The following CFAP77 variants were observed in gnomAD, a reference collection of about 807,000 sequenced individuals.
The protein encoded by CFAP77 is cilia and flagella associated protein 77.
Under a neutral mutation model 31.1 loss-of-function variants are expected in CFAP77, and 25 were observed. The observed-to-expected ratio is 0.80, with a 90% CI of 0.59 to 1.12. The LOEUF is 1.12. Ranked by LOEUF, CFAP77 falls within the 50% of genes most tolerant of loss-of-function variation. The pLI, the probability that CFAP77 is intolerant of heterozygous loss-of-function variation, is 0.00. For missense variants in CFAP77, 377 were observed against 397.3 expected (o/e 0.95, Z 0.44); for synonymous variants, 151 against 159.9 (o/e 0.94, Z 0.42).
At chr9:132,469,930 C>T (rs1417351643) in intron 1 of CFAP77, among the ~76,000 whole-genome samples, 2 of 151,478 alleles carry the variant, frequency 1.3e-5, no homozygotes, top group Non-Finnish European at 2.9e-5. Context: ...ACCTCCGCCT[C>T]GTGGGTTCAA....
At chr9:132,520,581 G>A (rs1852248356) in intron 3 of CFAP77, among the ~76,000 whole-genome samples, 1 of 152,172 alleles carries the variant, frequency 6.6e-6, no homozygotes, top group East Asian at 1.9e-4. Flanking sequence ...GGAGATTAAA[G>A]CTGCAGTGAG....
At chr9:132,561,641 ACACACACACACACACACACACC>A (rs879495654) in intron 5 of CFAP77, among the ~76,000 whole-genome samples, 7,999 of 123,930 alleles carry the variant, frequency 0.065, 442 homozygotes, top group African/African-American at 0.18. Context: ...ACACACACAC[ACACACACACACACACACACACC>A]CCCTCCATGT....
chr9:132,505,853 G>A (rs763836155), intron 3 of CFAP77, among the ~76,000 whole-genome samples: 2 of 152,196 alleles, frequency 1.3e-5, no homozygotes, highest in Non-Finnish European at 2.9e-5. Flanking sequence ...AACCCCTGGT[G>A]TAGACGGATT....
At chr9:132,488,792 T>C (rs1851605413) in intron 1 of CFAP77, among the ~76,000 whole-genome samples, 1 of 151,996 alleles carries the variant, frequency 6.6e-6, no homozygotes, top group African/African-American at 2.4e-5. Flanking sequence ...CCCTTCATGA[T>C]GGGGAGTGGA....
chr9:132,468,041 G>A (rs1851185030), intron 1 of CFAP77, among the ~76,000 whole-genome samples: 1 of 151,996 alleles, frequency 6.6e-6, no homozygotes, highest in Non-Finnish European at 1.5e-5. Context: ...AAGGCCCCTT[G>A]CCTTAGAACT....
rs1039870366 is a variant in CFAP77 at position 132,499,995 on chromosome 9, T to A, written c.524+395T>A. Among the ~76,000 whole-genome samples the A allele has an allele frequency of 7.2e-5, 11 of 151,862 alleles. No homozygotes were observed. Among genetic ancestry groups the A allele is most frequent in the African/African-American group, 7.3e-5 (3 of 41,334 alleles). On this transcript the variant is annotated intron_variant, in intron 3 of 5. Coordinates refer to ENST00000393216, the MANE Select transcript of CFAP77 (RefSeq NM_001282957.2). This position sits in a 1 kb window ranked among gnomAD's most constrained non-coding sequence, Gnocchi z 5.4. ...GCAAAACCCCGTCTCTACAAAAAAA[T>A]TTTAAAAATTAGCTGGGCATTGTGG... is the stretch of plus-strand genomic sequence containing the variant.
Position 132,573,207 on chromosome 9 carries a change from C to G in CFAP77, c.*697C>G, listed in dbSNP as rs1433117102. The G allele has an allele frequency of 6.6e-6, 1 of 152,250 alleles. No individual in the cohort carries two copies. The highest frequency in any genetic ancestry group is 1.5e-5 in the Non-Finnish European group (1 of 68,052). The allele number at this position is 152,250 out of a possible 1,614,324, so 9.4% of individuals were successfully genotyped here. ...CTGCTGAACACAGGCTGCTGAGCTT[C>G]TCAGCCGAATTCCTGGACACTTCCT... is the stretch of plus-strand genomic sequence containing the variant. On this transcript the variant is annotated 3_prime_UTR_variant, in exon 6 of 6. Transcript: ENST00000393216.
At chr9:132,464,218 A>T (rs1851111812) in intron 1 of CFAP77, among the ~76,000 whole-genome samples, 1 of 152,172 alleles carries the variant, frequency 6.6e-6, no homozygotes, top group South Asian at 2.1e-4. Context: ...TAATGAGTGT[A>T]TTGACAGCCC....
At chr9:132,477,321 G>C (rs1380390133) in intron 1 of CFAP77, among the ~76,000 whole-genome samples, 1 of 152,198 alleles carries the variant, frequency 6.6e-6, no homozygotes, top group Non-Finnish European at 1.5e-5. Flanking sequence ...AAGATGCATT[G>C]AGCACCTACT....
At chr9:132,515,077 C>T (rs958153271) in intron 3 of CFAP77, among the ~76,000 whole-genome samples, 2 of 152,144 alleles carry the variant, frequency 1.3e-5, no homozygotes, top group Non-Finnish European at 2.9e-5. Context: ...CCAGGGAACA[C>T]GTGTGCCAGA....
At chr9:132,561,604 T>TACACACAC (rs61039438) in intron 5 of CFAP77, among the ~76,000 whole-genome samples, 75 of 111,580 alleles carry the variant, frequency 6.7e-4, no homozygotes, top group East Asian at 1.0e-3. Flanking sequence ...GAGGTGCATG[T>TACACACAC]ACACACACAC....
intron 1 of CFAP77, among the ~76,000 whole-genome samples, chr9:132,439,587 C>A (rs926104453): frequency 3.2e-4 from 49 of 152,212 alleles, no homozygotes; most frequent in Admixed American, 1.0e-3. Context: ...TGGCTCACAC[C>A]TGTAATCCCA....
chr9:132,475,885 AC>A (rs1462636452), intron 1 of CFAP77, among the ~76,000 whole-genome samples: 1 of 151,948 alleles, frequency 6.6e-6, no homozygotes, highest in Non-Finnish European at 1.5e-5. Context: ...TGGAACCACA[AC>A]CATCCCTGGC....
chr9:132,505,098 C>A (rs1728742929), intron 3 of CFAP77, among the ~76,000 whole-genome samples: 2 of 152,222 alleles, frequency 1.3e-5, no homozygotes, highest in South Asian at 4.1e-4. Context: ...AGTCCCACCT[C>A]AGACTGAATC....
chr9:132,559,346 C>CAAAAAAACAAAAAAAAAAA (rs1852958179), intron 5 of CFAP77, among the ~76,000 whole-genome samples: 1 of 56,082 alleles, frequency 1.8e-5, no homozygotes, highest in Non-Finnish European at 3.2e-5. Flanking sequence ...CTCTGTCTTG[C>CAAAAAAACAAAAAAAAAAA]AAAAAAAAAA....
At chr9:132,548,286 G>GGGGGGGGGGGGGCCCCCCC (rs1564248910) in intron 5 of CFAP77, among the ~76,000 whole-genome samples, 2 of 129,002 alleles carry the variant, frequency 1.6e-5, no homozygotes, top group Non-Finnish European at 3.3e-5. Context: ...GGGGGGTGGG[G>GGGGGGGGGGGGGCCCCCCC]GGTGAAGCTG....
chr9:132,493,808 C>T (rs770388604), intron 1 of CFAP77, among the ~76,000 whole-genome samples: 22 of 152,222 alleles, frequency 1.4e-4, no homozygotes, highest in Admixed American at 3.3e-4. Flanking sequence ...CCCACAGTAA[C>T]GTTCTTTCAT....
chr9:132,504,634 G>A (rs1314044446), intron 3 of CFAP77, among the ~76,000 whole-genome samples: 1 of 152,208 alleles, frequency 6.6e-6, no homozygotes, highest in African/African-American at 2.4e-5. Context: ...GATGTGACGG[G>A]CAGCTCCGCA....
At chr9:132,502,916 A>G (rs1426061441) in intron 3 of CFAP77, among the ~76,000 whole-genome samples, 1 of 152,136 alleles carries the variant, frequency 6.6e-6, no homozygotes, top group Non-Finnish European at 1.5e-5. Flanking sequence ...ATGCTTTTGT[A>G]TACTTTTCCC....
Sources: allele counts gnomAD v4.1 joint callset (sites outside exome capture counted in the v4.1 genomes callset), GRCh38; gene constraint gnomAD v4.1.1; non-coding constraint Gnocchi (gnomAD v3.1); transcripts MANE v1.5; gene names NCBI Gene and HGNC (gene_info 2026-07-23, HGNC 2026-07-21).